Variants in USH2A observed in about 807,000 individuals in gnomAD.
USH2A encodes the protein usherin.
USH2A carries 443 observed loss-of-function variants against 538.9 expected under a neutral mutation model. That is an observed-to-expected ratio of 0.82 (90% CI 0.76 to 0.89). USH2A has a LOEUF of 0.89. Among genes scored for constraint, USH2A ranks in the 40% least tolerant of loss-of-function variants. The pLI is 0.00. For synonymous variants in USH2A, 2,413 were observed against 2,273.5 expected (o/e 1.06, Z -1.75); for missense variants, 6,633 against 6,324.8 (o/e 1.05, Z -1.65).
At position 215,782,891 on chromosome 1, in the gene USH2A, C is replaced by A; in HGVS notation, c.10432G>T (p.Ala3478Ser). Residue 3478 changes from alanine (A) to serine (S), a missense_variant, in exon 53 of 72, where the codon GCC (alanine) becomes TCC (serine). Transcript: ENST00000307340. ...AGTCCTCGCCCATAGCTGTTCCAGG[C>A]AGAAATCCTGTACTCATATGTCATG... ...PYMTYEYRIS[A>S]WNSYGRGLSK... The A allele has an allele frequency of 1.2e-6, 2 of 1,613,712 alleles. No individual in the cohort carries two copies. The highest frequency in any genetic ancestry group is 1.7e-6 in the Non-Finnish European group (2 of 1,179,860).
chr1:215,868,493 C>T (rs1664540101), intron 43 of USH2A, among the ~76,000 whole-genome samples: 1 of 152,214 alleles, frequency 6.6e-6, no homozygotes, highest in African/African-American at 2.4e-5. Flanking sequence ...CACCTCCCTG[C>T]TTTACCATCT....
intron 58 of USH2A, among the ~76,000 whole-genome samples, chr1:215,754,183 G>A (rs2820726): frequency 0.68 from 103,413 of 152,014 alleles, 38,402 homozygotes; most frequent in East Asian, 0.89. Context: ...AGGCAGAGAA[G>A]GAGCTTATCA....
chr1:215,989,570 T>G (rs945143307), intron 35 of USH2A, among the ~76,000 whole-genome samples: 35 of 152,138 alleles, frequency 2.3e-4, no homozygotes, highest in Non-Finnish European at 3.8e-4. Flanking sequence ...GCAAATTTTT[T>G]GCATGGCATG....
In USH2A at chr1:215,767,511, A is replaced by G. The variant is rs550070352; in HGVS notation, c.10940-723T>C. Among the ~76,000 whole-genome samples the G allele has an allele frequency of 2.0e-5, 3 of 152,318 alleles. No individual in the cohort carries two copies. The South Asian group carries it at 6.2e-4, about 32-fold the overall frequency. On this transcript the variant is annotated intron_variant, in intron 55 of 71. Coordinates refer to ENST00000307340, the MANE Select transcript of USH2A (RefSeq NM_206933.4). ...TTGATTTTGTCTTTACACATAGATT[A>G]AAGCTAATTTGGAGAAGAGATGGTG...
chr1:216,404,731 C>A (rs533129012), intron 3 of USH2A, among the ~76,000 whole-genome samples: 6 of 149,306 alleles, frequency 4.0e-5, no homozygotes, highest in Non-Finnish European at 3.0e-5. Context: ...AGGTGATCTT[C>A]CTTCCTCAGC....
chr1:215,925,626 C>G (rs10495012), intron 38 of USH2A, among the ~76,000 whole-genome samples: 79,663 of 151,914 alleles, frequency 0.52, 21,643 homozygotes, highest in East Asian at 0.68. Flanking sequence ...AGCAGTTAAT[C>G]TCATCTTTCC....
At chr1:216,365,745 G>A (rs1470574178) in intron 3 of USH2A, among the ~76,000 whole-genome samples, 1 of 151,850 alleles carries the variant, frequency 6.6e-6, no homozygotes, top group Non-Finnish European at 1.5e-5. Flanking sequence ...TTGGTTTTAT[G>A]GGCCAAATGG....
intron 13 of USH2A, among the ~76,000 whole-genome samples, chr1:216,233,343 T>C (rs1431529554): frequency 6.6e-6 from 1 of 152,146 alleles, no homozygotes; most frequent in Non-Finnish European, 1.5e-5. Context: ...AAGTCAGGTC[T>C]CGTGACTTCC....
intron 4 of USH2A, among the ~76,000 whole-genome samples, chr1:216,345,739 C>T (rs2038162919): frequency 6.6e-6 from 1 of 152,068 alleles, no homozygotes; most frequent in Non-Finnish European, 1.5e-5. Flanking sequence ...ACCCCATAAG[C>T]CTACTGTTCA....
At chr1:216,283,518 T>G (rs2036824728) in intron 11 of USH2A, among the ~76,000 whole-genome samples, 1 of 152,236 alleles carries the variant, frequency 6.6e-6, no homozygotes, top group African/African-American at 2.4e-5. Flanking sequence ...TTTTCTTGGC[T>G]ACAACTTTCA....
At chr1:216,144,505 A>G (rs2033658205) in intron 21 of USH2A, among the ~76,000 whole-genome samples, 1 of 152,184 alleles carries the variant, frequency 6.6e-6, no homozygotes, top group Non-Finnish European at 1.5e-5. Context: ...GGAAAATATG[A>G]TTGTTCAGCT....
intron 61 of USH2A, among the ~76,000 whole-genome samples, chr1:215,687,998 A>G (rs139305243): frequency 3.3e-5 from 5 of 152,192 alleles, no homozygotes; most frequent in African/African-American, 1.2e-4. Flanking sequence ...ATAGAGAGAG[A>G]ATTGGAAATT....
At chr1:216,132,376 A>T (rs180919499) in intron 21 of USH2A, among the ~76,000 whole-genome samples, 1 of 152,226 alleles carries the variant, frequency 6.6e-6, no homozygotes, top group East Asian at 1.9e-4. Context: ...TCTTAAAAAT[A>T]TGTATAGTCT....
rs145420780 is a variant in USH2A, at chr1:216,418,442, C to T, written c.651+72G>A. On this transcript the variant is annotated intron_variant, in intron 3 of 71. Coordinates refer to ENST00000307340, the MANE Select transcript of USH2A (RefSeq NM_206933.4). ...CTGCTGCAGATTTTGTGAGTAGATG[C>T]CATTTAAAAGAGAGAAAGGAAGACA... 8.4e-4 allele frequency: 1,309 copies of T among 1,557,878 alleles called. 11 individuals carry two copies. In the African/African-American group the frequency reaches 0.016, roughly 19 times the overall value.
chr1:216,089,033 G>C lies in USH2A; in HGVS notation c.4865C>G (p.Thr1622Ser). The C allele has an allele frequency of 6.2e-7, 1 of 1,613,452 alleles. No individual in the cohort carries two copies. Among genetic ancestry groups the C allele is most frequent in the South Asian group, 1.1e-5 (1 of 91,076 alleles). ...CTTACCTGTATATATCCCATCCAGA[G>C]TGATTTGGCCAAAAGCCTGATGCCT... is the stretch of plus-strand genomic sequence containing the variant. ...AIRHQAFGQI[T>S]LDGIYTGSSA... Residue 1622 changes from threonine to serine, a missense_variant, in exon 23 of 72, where the codon ACT becomes AGT. Coordinates refer to ENST00000307340, the MANE Select transcript of USH2A (RefSeq NM_206933.4).
intron 21 of USH2A, chr1:216,174,829 G>A: frequency 2.0e-6 from 2 of 1,024,512 alleles, no homozygotes; most frequent in South Asian, 3.6e-5. Flanking sequence ...GCTAAGCAAA[G>A]TTGAATAGCT....
Position 216,207,426 on chromosome 1 carries a change from A to G in USH2A, c.3163T>C (p.Phe1055Leu). The change falls in exon 16 of 72, where the codon TTC (phenylalanine) becomes CTC (leucine). Residue 1055 changes from phenylalanine (F) to leucine (L), a missense_variant. By Grantham distance (22) the Phe-to-Leu change is conservative (BLOSUM62 0). Coordinates refer to ENST00000307340, the MANE Select transcript of USH2A (RefSeq NM_206933.4). ...NNLLGCSKTP[F>L]QQPPPRGQVQ... ...TGTCCTCTGGGCGGAGGTTGCTGGA[A>G]TGGAGCTAAATTACAATGAAGAGAG... The G allele has an allele frequency of 1.2e-6, 2 of 1,614,012 alleles. No individual in the cohort carries two copies. Among genetic ancestry groups the G allele is most frequent in the South Asian group, 2.2e-5 (2 of 91,084 alleles).
chr1:216,238,216 T>C (rs924781983), intron 13 of USH2A, among the ~76,000 whole-genome samples: 2 of 152,174 alleles, frequency 1.3e-5, no homozygotes, highest in Admixed American at 1.3e-4. Flanking sequence ...AAACATGTCA[T>C]AGGAAGCTGT....
chr1:216,355,067 G>A (rs1051782696), intron 4 of USH2A, among the ~76,000 whole-genome samples: 6 of 152,004 alleles, frequency 3.9e-5, no homozygotes, highest in African/African-American at 1.4e-4. Flanking sequence ...CAGCACTTTG[G>A]GAGGCTGAGG....
Sources: allele counts gnomAD v4.1 joint callset (sites outside exome capture counted in the v4.1 genomes callset), GRCh38; gene constraint gnomAD v4.1.1; transcripts MANE v1.5; gene names NCBI Gene and HGNC (gene_info 2026-07-23, HGNC 2026-07-21).